MMP16: variants seen among roughly 807,000 people sequenced by gnomAD.
MMP16 encodes matrix metallopeptidase 16.
Under a neutral mutation model 67.8 loss-of-function variants are expected in MMP16, and 12 were observed. The observed-to-expected ratio is 0.18, with a 90% CI of 0.11 to 0.29. The LOEUF is 0.29. Among genes scored for constraint, MMP16 ranks in the 10% least tolerant of loss-of-function variants. The pLI, the probability that MMP16 is intolerant of heterozygous loss-of-function variation, is 1.00. For missense variants in MMP16, 475 were observed against 765.7 expected (o/e 0.62, Z 4.48); for synonymous variants, 249 against 255.9 (o/e 0.97, Z 0.26).
chr8:88,279,194 C>T (rs1254933621), intron 1 of MMP16, among the ~76,000 whole-genome samples: 1 of 150,536 alleles, frequency 6.6e-6, no homozygotes, highest in African/African-American at 2.5e-5. Flanking sequence ...TGCACTCCAG[C>T]CTGGTGACAC....
chr8:88,188,609 A>G (rs1471371231), intron 2 of MMP16, among the ~76,000 whole-genome samples: 1 of 152,180 alleles, frequency 6.6e-6, no homozygotes, highest in Non-Finnish European at 1.5e-5. Flanking sequence ...TGTTGGAGCC[A>G]GTAAAAGATT....
chr8:88,310,185 A>T (rs535250889), intron 1 of MMP16, among the ~76,000 whole-genome samples: 1 of 152,262 alleles, frequency 6.6e-6, no homozygotes, highest in Admixed American at 6.5e-5. Context: ...ACCACCAGAA[A>T]AAAACGACGA....
chr8:88,062,995 T>C (rs1300706869), intron 7 of MMP16, among the ~76,000 whole-genome samples: 2 of 152,060 alleles, frequency 1.3e-5, no homozygotes, highest in Admixed American at 1.3e-4. Flanking sequence ...ATGTAAGTAT[T>C]CCCTGGATTT....
intron 4 of MMP16, among the ~76,000 whole-genome samples, chr8:88,143,421 CT>C (rs2118506917): frequency 6.6e-6 from 1 of 152,196 alleles, no homozygotes; most frequent in South Asian, 2.1e-4. Flanking sequence ...TGAAGTCCTT[CT>C]ACTACTTGAG....
At chr8:88,197,827 C>T (rs1809280594) in intron 1 of MMP16, among the ~76,000 whole-genome samples, 1 of 152,134 alleles carries the variant, frequency 6.6e-6, no homozygotes, top group Non-Finnish European at 1.5e-5. Flanking sequence ...GGTGTAAATT[C>T]CATAAAACCA....
At chr8:88,157,375 AT>A (rs1363373180) in intron 4 of MMP16, among the ~76,000 whole-genome samples, 1 of 151,962 alleles carries the variant, frequency 6.6e-6, no homozygotes, top group Non-Finnish European at 1.5e-5. Context: ...ATATTAAACC[AT>A]CTTATATAAG....
intron 1 of MMP16, among the ~76,000 whole-genome samples, chr8:88,226,027 A>G (rs1043122326): frequency 1.3e-5 from 2 of 151,990 alleles, no homozygotes; most frequent in Admixed American, 6.6e-5. Context: ...GAAAAATTTC[A>G]TATACACTAA....
At chr8:88,076,628 A>G (rs1279408331) in intron 6 of MMP16, among the ~76,000 whole-genome samples, 1 of 152,186 alleles carries the variant, frequency 6.6e-6, no homozygotes, top group Admixed American at 6.6e-5. Flanking sequence ...ATGAAAATCA[A>G]GAGTTCACTG....
intron 1 of MMP16, among the ~76,000 whole-genome samples, chr8:88,275,395 C>A: frequency 6.6e-6 from 1 of 151,844 alleles, no homozygotes; most frequent in Non-Finnish European, 1.5e-5. Flanking sequence ...GATAAATTAC[C>A]TCTGTTCTTG....
intron 1 of MMP16, among the ~76,000 whole-genome samples, chr8:88,200,621 T>C (rs2129790093): frequency 6.6e-6 from 1 of 152,024 alleles, no homozygotes; most frequent in South Asian, 2.1e-4. Context: ...AAATATTAAA[T>C]GTTGTGCCAA....
chr8:88,141,708 C>A (rs1038858355), intron 4 of MMP16, among the ~76,000 whole-genome samples: 1 of 152,096 alleles, frequency 6.6e-6, no homozygotes, highest in Non-Finnish European at 1.5e-5. Flanking sequence ...TTCACCATTA[C>A]TTTCATAGTT....
chr8:88,153,558 A>G (rs1012839298), intron 4 of MMP16, among the ~76,000 whole-genome samples: 2 of 152,002 alleles, frequency 1.3e-5, no homozygotes, highest in Non-Finnish European at 2.9e-5. Context: ...CAGAAATAAC[A>G]CCGCACACCT....
intron 4 of MMP16, among the ~76,000 whole-genome samples, chr8:88,149,046 T>C (rs1808347441): frequency 6.6e-6 from 1 of 152,168 alleles, no homozygotes; most frequent in Non-Finnish European, 1.5e-5. Flanking sequence ...TTGCCTCACC[T>C]GGGAAGCGCA....
chr8:88,166,742 A>AT (rs1239852816), intron 4 of MMP16, among the ~76,000 whole-genome samples: 1 of 110,470 alleles, frequency 9.1e-6, no homozygotes, highest in African/African-American at 3.2e-5. Context: ...CTTAATTTTA[A>AT]TTTTTTTTAA....
chr8:88,201,273 GT>G (rs2129791962), intron 1 of MMP16, among the ~76,000 whole-genome samples: 1 of 152,020 alleles, frequency 6.6e-6, no homozygotes, highest in East Asian at 1.9e-4. Flanking sequence ...GGAAGGCTGT[GT>G]TAGGATTTTA....
intron 1 of MMP16, among the ~76,000 whole-genome samples, chr8:88,229,820 A>G (rs1248703353): frequency 6.6e-6 from 1 of 152,130 alleles, no homozygotes; most frequent in Non-Finnish European, 1.5e-5. Context: ...ATCCAAGTCT[A>G]AATGACCGAG....
chr8:88,160,587 C>T (rs1017687874), intron 4 of MMP16, among the ~76,000 whole-genome samples: 3 of 152,058 alleles, frequency 2.0e-5, no homozygotes, highest in Non-Finnish European at 4.4e-5. Context: ...GATGAGATAC[C>T]ACCTCGCACC....
At chr8:88,059,265 C>A (rs1808367460) in intron 7 of MMP16, among the ~76,000 whole-genome samples, 2 of 152,002 alleles carry the variant, frequency 1.3e-5, no homozygotes, top group African/African-American at 4.8e-5. Context: ...AATCCATGAT[C>A]ATTAGAAAAG....
intron 1 of MMP16, among the ~76,000 whole-genome samples, chr8:88,243,813 G>A (rs1160565170): frequency 1.3e-5 from 2 of 152,112 alleles, no homozygotes. Context: ...CAAAAGAGAT[G>A]AGTAATAAAC....
Sources: gnomAD v4.1 joint callset for allele counts (sites outside exome capture counted in the v4.1 genomes callset) on GRCh38, gnomAD v4.1.1 for gene constraint, MANE v1.5 for transcripts, NCBI Gene and HGNC (gene_info 2026-07-23, HGNC 2026-07-21) for gene names.